The following TMEM132B variants were observed in gnomAD, a reference collection of about 807,000 sequenced individuals.
TMEM132B encodes the protein transmembrane protein 132B.
Under a neutral mutation model 90.8 loss-of-function variants are expected in TMEM132B, and 18 were observed. That is an observed-to-expected ratio of 0.20 (90% CI 0.14 to 0.29). The LOEUF (loss-of-function observed/expected upper bound fraction) is 0.29. Among genes scored for constraint, TMEM132B ranks in the 10% least tolerant of loss-of-function variants. The probability of loss-of-function intolerance (pLI) is 1.00; values close to 1 mark genes in which losing one functional copy is unlikely to be tolerated. For missense variants in TMEM132B, 1,096 were observed against 1,326.8 expected, an observed-to-expected ratio of 0.83 and a Z score of 2.70; for synonymous variants, 504 against 523.3, an observed-to-expected ratio of 0.96 and a Z score of 0.50.
chr12:125,523,725 C>T (rs148814770), intron 4 of TMEM132B, among the ~76,000 whole-genome samples: 3 of 152,164 alleles, frequency 2.0e-5, no homozygotes, highest in Admixed American at 6.5e-5. Context: ...TGTTGTAGCC[C>T]CAGGCTGCTG....
chr12:125,304,331 A>G (rs748397338), intron 1 of TMEM132B, among the ~76,000 whole-genome samples: 1 of 152,090 alleles, frequency 6.6e-6, no homozygotes, highest in Non-Finnish European at 1.5e-5. Flanking sequence ...GGGTTTGGGG[A>G]CCCCTGCTTT....
intron 1 of TMEM132B, among the ~76,000 whole-genome samples, chr12:125,310,283 A>C (rs1298521672): frequency 3.9e-5 from 6 of 152,230 alleles, no homozygotes; most frequent in Non-Finnish European, 8.8e-5. Context: ...ACACGTGTCC[A>C]GCCAGATCTC....
At chr12:125,276,789 G>A (rs1051053640) in intron 1 of TMEM132B, among the ~76,000 whole-genome samples, 1 of 152,164 alleles carries the variant, frequency 6.6e-6, no homozygotes, top group Admixed American at 6.5e-5. Flanking sequence ...TGTCAGCGCC[G>A]GTGAAGTCAG....
At chr12:125,638,958 C>A (rs1021447894) in intron 5 of TMEM132B, among the ~76,000 whole-genome samples, 1 of 152,200 alleles carries the variant, frequency 6.6e-6, no homozygotes, top group Non-Finnish European at 1.5e-5. Context: ...CACACATGCT[C>A]ACAGATTAAC....
chr12:125,333,532 G>C (rs1300569001), intron 1 of TMEM132B, among the ~76,000 whole-genome samples: 2 of 152,172 alleles, frequency 1.3e-5, no homozygotes, highest in Non-Finnish European at 2.9e-5. Flanking sequence ...GCCCTCCTCA[G>C]TGTTGGGCTC....
At position 125,583,880 on chromosome 12, in the gene TMEM132B, C is replaced by T. The variant is rs1885115872; in HGVS notation, c.1323C>T (p.Leu441=). Reference sequence around the variant, plus strand: ...CCGAGGTTTTGAACACTGCCATTCTCACTGGAAAGCCTGTTTCAGTTCCTG... The same window carrying T: ...CCGAGGTTTTGAACACTGCCATTCTTACTGGAAAGCCTGTTTCAGTTCCTG... ...MDTEVLNTAI[L]TGKPVSVPVK... Residue 441 remains leucine (L), a synonymous_variant, in exon 5 of 9, where the codon CTC becomes CTT. Coordinates refer to ENST00000682704, the MANE Select transcript of TMEM132B (RefSeq NM_001366854.1). The T allele has an allele frequency of 1.2e-6, 2 of 1,614,028 alleles. No individual in the cohort carries two copies. Among genetic ancestry groups the T allele is most frequent in the South Asian group, 2.2e-5 (2 of 91,076 alleles).
intron 1 of TMEM132B, among the ~76,000 whole-genome samples, chr12:125,270,875 A>G (rs950522701): frequency 5.3e-5 from 8 of 151,920 alleles, no homozygotes; most frequent in African/African-American, 1.9e-4. Flanking sequence ...AAAAAGATGG[A>G]CTGACAGAAA....
At chr12:125,629,497 C>A (rs1886307655) in intron 5 of TMEM132B, among the ~76,000 whole-genome samples, 1 of 152,036 alleles carries the variant, frequency 6.6e-6, no homozygotes, top group East Asian at 1.9e-4. Context: ...TTGTATCCTG[C>A]AATGTTACTG....
chr12:125,195,100 C>T (rs981613371), intron 1 of TMEM132B, among the ~76,000 whole-genome samples: 15 of 152,168 alleles, frequency 9.9e-5, no homozygotes, highest in African/African-American at 3.1e-4. Flanking sequence ...TGTAGCTGGC[C>T]TTGTTCCTGG....
intron 3 of TMEM132B, among the ~76,000 whole-genome samples, chr12:125,501,278 C>T (rs1882688444): frequency 6.6e-6 from 1 of 152,206 alleles, no homozygotes; most frequent in South Asian, 2.1e-4. Context: ...CTATGCAATA[C>T]TGTTCTCTGT....
intron 4 of TMEM132B, among the ~76,000 whole-genome samples, chr12:125,568,008 G>C (rs1049204255): frequency 4.6e-5 from 7 of 152,182 alleles, no homozygotes; most frequent in Non-Finnish European, 8.8e-5. Context: ...CCTTGCGTGC[G>C]TCTGTCTCTC....
intron 1 of TMEM132B, among the ~76,000 whole-genome samples, chr12:125,324,245 G>C (rs1876500926): frequency 6.6e-6 from 1 of 152,194 alleles, no homozygotes; most frequent in South Asian, 2.1e-4. Flanking sequence ...TTGACAAACA[G>C]ATTAATTGCT....
At position 125,407,618 on chromosome 12, in the gene TMEM132B, G is replaced by A. The variant is rs756087064; in HGVS notation, c.960-7913G>A. Among the ~76,000 whole-genome samples, 5 of 152,166 alleles carry A rather than the reference G, an allele frequency of 3.3e-5. No individual in the cohort carries two copies. Among genetic ancestry groups the A allele is most frequent in the Non-Finnish European group, 5.9e-5 (4 of 68,016 alleles). On this transcript the variant is annotated intron_variant, in intron 2 of 8. Transcript: ENST00000682704. The surrounding 1 kb of genome is among the most constrained non-coding windows in gnomAD (Gnocchi z 6.7). ...ATGTCTCTCTCCCTGGTCCAACCAG[G>A]AGGGATGCTCATCTGGACTCAGACT...
At chr12:125,339,454 G>T (rs1021285468) in intron 1 of TMEM132B, among the ~76,000 whole-genome samples, 2 of 152,208 alleles carry the variant, frequency 1.3e-5, no homozygotes, top group East Asian at 3.9e-4. Context: ...GGCAAATAGA[G>T]CAAGGACAGC....
chr12:125,352,530 GT>G (rs1877623332), intron 2 of TMEM132B, among the ~76,000 whole-genome samples: 1 of 152,212 alleles, frequency 6.6e-6, no homozygotes, highest in South Asian at 2.1e-4. Context: ...TTCCCCATTG[GT>G]ATGATAAGGA....
At chr12:125,338,054 A>G (rs572478131) in intron 1 of TMEM132B, among the ~76,000 whole-genome samples, 7 of 152,180 alleles carry the variant, frequency 4.6e-5, no homozygotes, top group Non-Finnish European at 1.0e-4. Flanking sequence ...CCTTTTTCAC[A>G]TTTTAATTGT....
chr12:125,566,443 T>G (rs1324484882), intron 4 of TMEM132B, among the ~76,000 whole-genome samples: 6 of 152,212 alleles, frequency 3.9e-5, no homozygotes, highest in Non-Finnish European at 7.3e-5. Context: ...TGTTTTCTGA[T>G]TTTTGTTGAT....
At chr12:125,312,834 T>C (rs1390427216) in intron 1 of TMEM132B, among the ~76,000 whole-genome samples, 1 of 152,124 alleles carries the variant, frequency 6.6e-6, no homozygotes, top group African/African-American at 2.4e-5. Context: ...ATTGAGGAGT[T>C]ATGAAAGGAC....
intron 1 of TMEM132B, among the ~76,000 whole-genome samples, chr12:125,289,455 C>T (rs184447122): frequency 4.1e-4 from 63 of 152,288 alleles, no homozygotes; most frequent in African/African-American, 1.5e-3. Flanking sequence ...ATGATTTGCT[C>T]CAGGTTGCAT....
Sources: gnomAD v4.1 joint callset for allele counts (sites outside exome capture counted in the v4.1 genomes callset) on GRCh38, gnomAD v4.1.1 for gene constraint, Gnocchi (gnomAD v3.1) non-coding constraint, MANE v1.5 for transcripts, NCBI Gene and HGNC (gene_info 2026-07-23, HGNC 2026-07-21) for gene names.